Variants in CD1E observed in about 807,000 individuals in gnomAD.
The protein encoded by CD1E is CD1e molecule.
A neutral mutation model predicts 40.1 loss-of-function variants in CD1E; 49 were observed. The ratio of observed to expected loss-of-function variants is 1.22; its 90% CI spans 0.97 to 1.55. The LOEUF (loss-of-function observed/expected upper bound fraction) is 1.55, where lower values mean the gene tolerates loss of function less well. CD1E is among the 40% of genes most tolerant of loss of function. The pLI is 0.00. For synonymous variants in CD1E, 189 were observed against 178.3 expected (o/e 1.06, Z -0.48); for missense variants, 492 against 471.3 (o/e 1.04, Z -0.41).
chr1:158,354,763 T>G, intron 2 of CD1E, 90 bp downstream of exon 2: 1 of 1,103,178 alleles, frequency 9.1e-7, no homozygotes, highest in Non-Finnish European at 1.3e-6. Flanking sequence ...GACCATCATT[T>G]AACCTTACTA....
rs183557427 is a variant in CD1E, at chr1:158,353,959, C to T, written c.-30C>T. The T allele has an allele frequency of 3.7e-6, 6 of 1,600,694 alleles. No homozygotes were observed. The highest frequency in any genetic ancestry group is 2.2e-5 in the East Asian group (1 of 44,812). ...CTGAATTATTAGGGCAGGTGTCCTG[C>T]CAAGGAATCCCTCCTTTAACAGAGC... On this transcript the variant is annotated 5_prime_UTR_variant, in exon 1 of 6. Transcript: ENST00000368167.
chr1:158,354,396 C>A lies in CD1E; in HGVS notation c.78C>A (p.Ser26=). ...ENTAAPQALQ[S]YHLAAEEQLS... ...TCTCAGCTCCCCAGGCTCTACAATC[C>A]TATCATCTAGCAGCAGAGGAGCAGC... The change falls in exon 2 of 6, where the codon TCC becomes TCA. Residue 26 remains serine (S), a synonymous_variant. Coordinates refer to ENST00000368167, the MANE Select transcript of CD1E (RefSeq NM_030893.4). 6.2e-7 allele frequency: 1 copy of A among 1,610,316 alleles called. No homozygotes were observed. Among genetic ancestry groups the A allele is most frequent in the South Asian group, 1.1e-5 (1 of 90,238 alleles).
rs899194180 is a variant in CD1E at position 158,356,606 on chromosome 1, G to T, written c.998+15G>T. ...AAAAAACAGAGGTGAGCTTTTTCTT[G>T]TTCTTTGTTTCTTCAGCCTGTAATC... On this transcript the variant is annotated intron_variant, in intron 5 of 5. Coordinates refer to ENST00000368167, the MANE Select transcript of CD1E (RefSeq NM_030893.4). The T allele has an allele frequency of 6.2e-7, 1 of 1,606,788 alleles. No homozygotes were observed. The highest frequency in any genetic ancestry group is 8.5e-7 in the Non-Finnish European group (1 of 1,174,554).
At position 158,356,907 on chromosome 1, in the gene CD1E, A is replaced by G. The variant is rs768714813; in HGVS notation, c.*11A>G. The stretch of plus-strand genomic sequence containing the variant: ...AACCAACTCTGGTGACATTTGCTTT[A>G]CCTTATACATAAAATCCTTGTCTGC... On this transcript the variant is annotated 3_prime_UTR_variant, in exon 6 of 6. Coordinates refer to ENST00000368167, the MANE Select transcript of CD1E (RefSeq NM_030893.4). The G allele has an allele frequency of 3.7e-6, 6 of 1,611,262 alleles. No individual in the cohort carries two copies. The South Asian group carries it at 5.5e-5, about 15-fold the overall frequency.
Position 158,355,398 on chromosome 1 carries a change from G to A in CD1E, c.454G>A (p.Gly152Arg), listed in dbSNP as rs1209761473. The change falls in exon 3 of 6, where the codon GGA becomes AGA. Residue 152 changes from glycine (G) to arginine (R), a missense_variant. Physicochemically the swap from Gly to Arg is moderately radical, Grantham distance 125. Transcript: ENST00000368167. The part of the protein sequence containing the change: ...YQGSDFLSFQ[G>R]ISWEPSPGAG... Reference sequence around the variant, plus strand: ...AGGGTCAGATTTCCTGAGTTTCCAAGGAATTTCCTGGGAGCCATCTCCAGG... The same window carrying A: ...AGGGTCAGATTTCCTGAGTTTCCAAAGAATTTCCTGGGAGCCATCTCCAGG... The A allele has an allele frequency of 1.2e-5, 19 of 1,613,978 alleles. No homozygotes were observed. The Admixed American group carries it at 3.2e-4, about 27-fold the overall frequency.
In CD1E at chr1:158,356,102, T is replaced by G. The variant is rs1653640615; in HGVS notation, c.901T>G (p.Trp301Gly). The G allele has an allele frequency of 6.2e-7, 1 of 1,613,494 alleles. No homozygotes were observed. Among genetic ancestry groups the G allele is most frequent in the African/African-American group, 1.3e-5 (1 of 74,894 alleles). ...AGGGGGCCATGATCTAATCATCCAT[T>G]GGGGTGAGAAACAGCTGAGGCTCTG... ...SLGGHDLIIH[W>G]GGYSIFLILI... Residue 301 changes from tryptophan (W) to glycine (G), a missense_variant, in exon 4 of 6, where the codon TGG (tryptophan) becomes GGG (glycine). Coordinates refer to ENST00000368167, the MANE Select transcript of CD1E (RefSeq NM_030893.4).
At chr1:158,354,206 TCA>T (rs1313358384) in intron 1 of CD1E, 160 bp downstream of exon 1, 6 of 907,412 alleles carry the variant, frequency 6.6e-6, no homozygotes, top group Middle Eastern at 3.5e-4. Context: ...GCTCTCAGTC[TCA>T]GTTTTTGTCT....
intron 1 of CD1E, 118 bp downstream of exon 1, chr1:158,354,164 C>A: frequency 2.0e-6 from 2 of 983,172 alleles, no homozygotes; most frequent in Admixed American, 2.1e-5. Context: ...TTGGAATATG[C>A]CTTTCAGGCT....
intron 2 of CD1E, 132 bp downstream of exon 2, chr1:158,354,805 C>T (rs1653415660): frequency 2.6e-6 from 2 of 759,978 alleles, no homozygotes; most frequent in Non-Finnish European, 4.2e-6. Flanking sequence ...CTCCCACTCC[C>T]TCCTCTGCTT....
In CD1E at chr1:158,355,427, A is replaced by C. The variant is rs1343381089; in HGVS notation, c.483A>C (p.Ala161=). The part of the protein sequence containing the change: ...QGISWEPSPG[A]GIRAQNICKV... ...TTTCCTGGGAGCCATCTCCAGGAGCAGGGATCCGGGCCCAGAACATCTGTA... is the reference window on the plus strand; with the variant it reads ...TTTCCTGGGAGCCATCTCCAGGAGCCGGGATCCGGGCCCAGAACATCTGTA... Residue 161 remains alanine (A), a synonymous_variant, in exon 3 of 6, where the codon GCA becomes GCC. Transcript: ENST00000368167. 6.2e-7 allele frequency: 1 copy of C among 1,614,124 alleles called. No individual in the cohort carries two copies. Among genetic ancestry groups the C allele is most frequent in the East Asian group, 2.2e-5 (1 of 44,862 alleles).
In CD1E at chr1:158,354,782, C is replaced by T; in HGVS notation, c.355+109C>T. On this transcript the variant is annotated intron_variant, in intron 2 of 5. Coordinates refer to ENST00000368167, the MANE Select transcript of CD1E (RefSeq NM_030893.4). The stretch of plus-strand genomic sequence containing the variant: ...ATCATTTAACCTTACTAACCTTGTT[C>T]CCCACTCTCTGACTCCCACTCCCTC... 7.2e-6 allele frequency: 7 copies of T among 966,480 alleles called. No individual in the cohort carries two copies. In the South Asian group the frequency reaches 8.3e-5, roughly 11 times the overall value. The allele number at this position is 966,480 out of a possible 1,614,324, so 59.9% of individuals were successfully genotyped here.
chr1:158,355,613 ACT>A (rs1653533165), intron 3 of CD1E, 44 bp downstream of exon 3: 2 of 1,573,626 alleles, frequency 1.3e-6, no homozygotes, highest in African/African-American at 2.7e-5. Context: ...TAGTACTATA[ACT>A]CTCATATTTG....
rs566848683 is a variant in CD1E at position 158,355,489 on chromosome 1, T to C, written c.545T>C (p.Leu182Pro). ...LNRYLDIKEI[L>P]QSLLGHTCPR... ...CGCTACCTAGATATTAAGGAAATACTGCAAAGCCTTCTTGGTCACACCTGC... is the reference window on the plus strand; with the variant it reads ...CGCTACCTAGATATTAAGGAAATACCGCAAAGCCTTCTTGGTCACACCTGC... Residue 182 changes from leucine to proline, a missense_variant, in exon 3 of 6, where the codon CTG becomes CCG. Coordinates refer to ENST00000368167, the MANE Select transcript of CD1E (RefSeq NM_030893.4). 6.2e-7 allele frequency: 1 copy of C among 1,614,196 alleles called. No homozygotes were observed. Among genetic ancestry groups the C allele is most frequent in the Non-Finnish European group, 8.5e-7 (1 of 1,180,012 alleles).
At position 158,356,709 on chromosome 1, in the gene CD1E, T is replaced by G; in HGVS notation, c.999-19T>G. On this transcript the variant is annotated intron_variant, in intron 5 of 5. Transcript: ENST00000368167. ...TTATTTCCTTTCTTTGAGATTAATATCCTCCTCTTTTCCCACAGTTCAAAT... is the reference window on the plus strand; with the variant it reads ...TTATTTCCTTTCTTTGAGATTAATAGCCTCCTCTTTTCCCACAGTTCAAAT... 1 of 1,610,650 alleles carries G rather than the reference T, an allele frequency of 6.2e-7. No homozygotes were observed. The highest frequency in any genetic ancestry group is 8.5e-7 in the Non-Finnish European group (1 of 1,177,880).
chr1:158,355,810 T>G lies in CD1E; in HGVS notation c.626-17T>G, dbSNP rs748698364. ...GCCCTTCAAAATTCCATTTTTTTTC[T>G]ATCTTCTTCTTCCTAGTGAAGCCAG... On this transcript the variant is annotated splice_polypyrimidine_tract_variant and intron_variant, in intron 3 of 5. Coordinates refer to ENST00000368167, the MANE Select transcript of CD1E (RefSeq NM_030893.4). 5.0e-6 allele frequency: 8 copies of G among 1,592,886 alleles called. No individual in the cohort carries two copies. The African/African-American group carries it at 9.5e-5, about 19-fold the overall frequency.
chr1:158,355,148 ACAAAT>A lies in CD1E; in HGVS notation c.356-151_356-147del. The A allele has an allele frequency of 2.1e-5, 8 of 387,876 alleles. 1 individual carries two copies. The highest frequency in any genetic ancestry group is 2.3e-4 in the African/African-American group (2 of 8,794). The allele number at this position is 387,876 out of a possible 1,614,324, so 24.0% of individuals were successfully genotyped here. On this transcript the variant is annotated intron_variant, in intron 2 of 5. Coordinates refer to ENST00000368167, the MANE Select transcript of CD1E (RefSeq NM_030893.4). ...TTTATTATCTTCAAATTTTCTTCCC[ACAAAT>A]TTTCTTCCCCTTTGCCAGTAAACTC...
chr1:158,356,266 A>G lies in CD1E; in HGVS notation c.904+161A>G, dbSNP rs1046633233. The G allele has an allele frequency of 1.9e-5, 17 of 914,896 alleles. No individual in the cohort carries two copies. In the African/African-American group the frequency reaches 2.7e-4, roughly 14 times the overall value. 56.7% of individuals were successfully genotyped at this position (914,896 alleles called of 1,614,324 possible). Reference sequence around the variant, plus strand: ...AGTATGACAGTAGTTAAATTTTAAGAAAATGGAAGTAGAGAATTAGACATA... The same window carrying G: ...AGTATGACAGTAGTTAAATTTTAAGGAAATGGAAGTAGAGAATTAGACATA... On this transcript the variant is annotated intron_variant, in intron 4 of 5. Coordinates refer to ENST00000368167, the MANE Select transcript of CD1E (RefSeq NM_030893.4).
rs764128842 is a variant in CD1E, at chr1:158,355,422, G to A, written c.478G>A (p.Gly160Arg). 6.2e-7 allele frequency: 1 copy of A among 1,614,168 alleles called. No individual in the cohort carries two copies. Among genetic ancestry groups the A allele is most frequent in the African/African-American group, 1.3e-5 (1 of 75,026 alleles). Reference sequence around the variant, plus strand: ...AGGAATTTCCTGGGAGCCATCTCCAGGAGCAGGGATCCGGGCCCAGAACAT... The same window carrying A: ...AGGAATTTCCTGGGAGCCATCTCCAAGAGCAGGGATCCGGGCCCAGAACAT... ...FQGISWEPSP[G>R]AGIRAQNICK... is the part of the protein sequence containing the mutation. The change falls in exon 3 of 6, where the codon GGA becomes AGA. Residue 160 changes from glycine to arginine, a missense_variant. Physicochemically the swap from Gly to Arg is moderately radical, Grantham distance 125. Transcript: ENST00000368167.
rs1445015494 is a variant in CD1E, at chr1:158,356,000, T to A, written c.799T>A (p.Trp267Arg). ...CGTCCTGCCTAATGCTGACGAGACA[T>A]GGTATCTCCGAGCAACCCTGGATGT... ...GDVLPNADET[W>R]YLRATLDVAA... Residue 267 changes from tryptophan to arginine, a missense_variant, in exon 4 of 6, where the codon TGG becomes AGG. Trp to Arg is a moderately radical substitution (Grantham distance 101). Coordinates refer to ENST00000368167, the MANE Select transcript of CD1E (RefSeq NM_030893.4). 1 of 1,613,954 alleles carries A rather than the reference T, an allele frequency of 6.2e-7. No homozygotes were observed. The highest frequency in any genetic ancestry group is 8.5e-7 in the Non-Finnish European group (1 of 1,180,020).
Sources: allele counts gnomAD v4.1 joint callset, GRCh38; gene constraint gnomAD v4.1.1; transcripts MANE v1.5; gene names NCBI Gene and HGNC (gene_info 2026-07-23, HGNC 2026-07-21).